CNTN5: variants seen among roughly 807,000 people sequenced by gnomAD.
The protein encoded by CNTN5 is contactin-5.
A neutral mutation model predicts 129.1 loss-of-function variants in CNTN5; 77 were observed. The observed-to-expected ratio is 0.60, with a 90% CI of 0.50 to 0.72. The LOEUF (loss-of-function observed/expected upper bound fraction) is 0.72. CNTN5 is among the 30% of genes least tolerant of loss of function. CNTN5 has a pLI of 0.00. For synonymous variants in CNTN5, 509 were observed against 465.6 expected, an observed-to-expected ratio of 1.09 and a Z score of -1.20; for missense variants, 1,478 against 1,328.8, an observed-to-expected ratio of 1.11 and a Z score of -1.75.
At chr11:99,315,527 T>C (rs754413692) in intron 1 of CNTN5, among the ~76,000 whole-genome samples, 1 of 149,626 alleles carries the variant, frequency 6.7e-6, no homozygotes, top group Non-Finnish European at 1.5e-5. Flanking sequence ...CAACAGAACA[T>C]AGTCAATTAT....
intron 9 of CNTN5, among the ~76,000 whole-genome samples, chr11:100,007,932 A>G (rs908184845): frequency 4.6e-5 from 7 of 152,000 alleles, no homozygotes; most frequent in Non-Finnish European, 7.4e-5. Context: ...TTTCACTTGA[A>G]CACTTAGAAA....
intron 2 of CNTN5, among the ~76,000 whole-genome samples, chr11:99,501,270 T>C (rs1471292306): frequency 2.0e-5 from 3 of 152,220 alleles, no homozygotes; most frequent in African/African-American, 7.2e-5. Flanking sequence ...TGCTCAGCAA[T>C]TGGCTTTATA....
intron 21 of CNTN5, chr11:100,337,012 C>A: frequency 1.2e-6 from 1 of 846,954 alleles, no homozygotes; most frequent in Non-Finnish European, 2.1e-6. Flanking sequence ...CACATCTCAG[C>A]TGCTTTCTGC....
Position 100,037,961 on chromosome 11 carries a change from A to G in CNTN5, c.981-23251A>G, listed in dbSNP as rs190020481. Among the ~76,000 whole-genome samples, 178 of 151,826 alleles carry G rather than the reference A, an allele frequency of 1.2e-3. 1 individual carries two copies. Among genetic ancestry groups the G allele is most frequent in the African/African-American group, 4.2e-3 (173 of 41,346 alleles). Reference sequence around the variant, plus strand: ...TTTTTTGAAGGGTTTTTGTGTCTCTATTTCCTTCAGTTCTGCTCTGATCTT... The same window carrying G: ...TTTTTTGAAGGGTTTTTGTGTCTCTGTTTCCTTCAGTTCTGCTCTGATCTT... On this transcript the variant is annotated intron_variant, in intron 9 of 24. Transcript: ENST00000524871.
intron 1 of CNTN5, among the ~76,000 whole-genome samples, chr11:99,193,723 C>T (rs528717921): frequency 1.5e-4 from 23 of 152,206 alleles, no homozygotes; most frequent in African/African-American, 4.3e-4. Flanking sequence ...CCCAGGAGAC[C>T]GTTTCACAGG....
At chr11:99,104,639 C>G (rs1308618499) in intron 1 of CNTN5, among the ~76,000 whole-genome samples, 2 of 106,638 alleles carry the variant, frequency 1.9e-5, no homozygotes, top group African/African-American at 9.0e-5. Context: ...TACACACACA[C>G]ACGTGTATAT....
At chr11:99,534,490 A>T (rs181813485) in intron 2 of CNTN5, among the ~76,000 whole-genome samples, 71 of 148,790 alleles carry the variant, frequency 4.8e-4, no homozygotes, top group Non-Finnish European at 1.8e-4. Flanking sequence ...CCTTCTAAAA[A>T]TCAACAAAAA....
chr11:100,172,781 C>T (rs1947861988), intron 13 of CNTN5, among the ~76,000 whole-genome samples: 1 of 151,948 alleles, frequency 6.6e-6, no homozygotes, highest in Admixed American at 6.6e-5. Context: ...GAGATGGAAT[C>T]AGAAAGGCAG....
chr11:99,846,682 CTATG>C (rs1947709668), intron 6 of CNTN5, among the ~76,000 whole-genome samples: 1 of 151,944 alleles, frequency 6.6e-6, no homozygotes, highest in African/African-American at 2.4e-5. Flanking sequence ...TGATATTTCT[CTATG>C]TAATCTTTCC....
intron 1 of CNTN5, among the ~76,000 whole-genome samples, chr11:99,036,357 A>G (rs1490249309): frequency 6.6e-6 from 1 of 152,004 alleles, no homozygotes; most frequent in Non-Finnish European, 1.5e-5. Context: ...TCATCATTTT[A>G]TACATGTATC....
chr11:99,076,650 C>A (rs1865589464), intron 1 of CNTN5, among the ~76,000 whole-genome samples: 1 of 151,958 alleles, frequency 6.6e-6, no homozygotes, highest in Non-Finnish European at 1.5e-5. Flanking sequence ...TAGATATATT[C>A]ACAAATACAA....
chr11:99,784,791 TTG>T, intron 3 of CNTN5, among the ~76,000 whole-genome samples: 1 of 132,960 alleles, frequency 7.5e-6, no homozygotes, highest in Admixed American at 8.5e-5. Flanking sequence ...TGGTATCTCA[TTG>T]TGTTTTTTTT....
chr11:99,948,038 A>G (rs924971297), intron 7 of CNTN5, among the ~76,000 whole-genome samples: 1 of 152,188 alleles, frequency 6.6e-6, no homozygotes, highest in African/African-American at 2.4e-5. Context: ...AATATAAGAA[A>G]ACTTTATTTT....
At chr11:100,221,924 G>A (rs909764174) in intron 15 of CNTN5, among the ~76,000 whole-genome samples, 1 of 152,162 alleles carries the variant, frequency 6.6e-6, no homozygotes, top group Non-Finnish European at 1.5e-5. Flanking sequence ...TCTGCTTTAA[G>A]TAACCATTTC....
At chr11:99,418,514 T>C (rs1942758878) in intron 2 of CNTN5, among the ~76,000 whole-genome samples, 1 of 152,208 alleles carries the variant, frequency 6.6e-6, no homozygotes, top group Non-Finnish European at 1.5e-5. Flanking sequence ...TTGGATTTAA[T>C]TGGATCCAAG....
chr11:99,191,574 A>G (rs1858644984), intron 1 of CNTN5, among the ~76,000 whole-genome samples: 2 of 151,838 alleles, frequency 1.3e-5, no homozygotes, highest in African/African-American at 4.8e-5. Context: ...AGGCCATGCA[A>G]TAAAATGTTA....
At chr11:99,591,102 G>T (rs1344941635) in intron 3 of CNTN5, among the ~76,000 whole-genome samples, 1 of 151,968 alleles carries the variant, frequency 6.6e-6, no homozygotes, top group Non-Finnish European at 1.5e-5. Context: ...CTCCACGTTG[G>T]CCCAGGCTTT....
At chr11:99,707,536 A>G (rs1436943458) in intron 3 of CNTN5, among the ~76,000 whole-genome samples, 2 of 151,714 alleles carry the variant, frequency 1.3e-5, no homozygotes, top group Non-Finnish European at 3.0e-5. Context: ...CTAAAAATCA[A>G]AATATCTAGG....
chr11:99,624,134 A>C (rs115482300), intron 3 of CNTN5, among the ~76,000 whole-genome samples: 2,065 of 152,038 alleles, frequency 0.014, 44 homozygotes, highest in African/African-American at 0.048. Flanking sequence ...ACAATAGTTT[A>C]ATGAATGTAT....
Sources: allele counts gnomAD v4.1 joint callset (sites outside exome capture counted in the v4.1 genomes callset), GRCh38; gene constraint gnomAD v4.1.1; transcripts MANE v1.5; gene names NCBI Gene and HGNC (gene_info 2026-07-23, HGNC 2026-07-21).